The following DOK6 variants were observed in gnomAD, a reference collection of about 807,000 sequenced individuals.
DOK6 encodes the protein docking protein 6.
DOK6 carries 22 observed loss-of-function variants against 44.0 expected under a neutral mutation model. The ratio of observed to expected loss-of-function variants is 0.50; its 90% CI spans 0.36 to 0.71. The LOEUF (loss-of-function observed/expected upper bound fraction) is 0.71. DOK6 is among the 30% of genes least tolerant of loss of function. DOK6 has a pLI of 0.00. For synonymous variants in DOK6, 166 were observed against 145.5 expected (o/e 1.14, Z -1.01); for missense variants, 340 against 416.4 (o/e 0.82, Z 1.60).
chr18:69,834,915 T>C (rs1277967591), intron 7 of DOK6, among the ~76,000 whole-genome samples: 1 of 152,168 alleles, frequency 6.6e-6, no homozygotes, highest in Non-Finnish European at 1.5e-5. Context: ...TCAGGAAAGT[T>C]ACAATCATGG....
chr18:69,806,706 A>G (rs1981060598), intron 7 of DOK6, among the ~76,000 whole-genome samples: 1 of 151,998 alleles, frequency 6.6e-6, no homozygotes. Context: ...ATATTTTACA[A>G]GGAAGATTAG....
At chr18:69,662,072 C>T (rs572743233) in intron 3 of DOK6, 10 of 151,954 alleles carry the variant, frequency 6.6e-5, no homozygotes, top group African/African-American at 1.9e-4. Flanking sequence ...CTCCCCCTGC[C>T]AGGTTCAAGT....
chr18:69,742,958 G>A (rs954382290), intron 6 of DOK6, among the ~76,000 whole-genome samples: 1 of 152,122 alleles, frequency 6.6e-6, no homozygotes, highest in South Asian at 2.1e-4. Context: ...TCCATAGAAT[G>A]ATCTCTGTAT....
intron 1 of DOK6, among the ~76,000 whole-genome samples, chr18:69,429,044 T>A (rs995665040): frequency 6.6e-6 from 1 of 152,232 alleles, no homozygotes; most frequent in African/African-American, 2.4e-5. Context: ...TACTTCGATC[T>A]GGAATAAGAA....
At chr18:69,512,332 C>CTTT (rs548031851) in intron 1 of DOK6, among the ~76,000 whole-genome samples, 213 of 91,616 alleles carry the variant, frequency 2.3e-3, no homozygotes, top group Non-Finnish European at 2.8e-3. Flanking sequence ...CTTTCTTCTT[C>CTTT]TTTTTTTTTT....
At chr18:69,536,089 T>C (rs1373267067) in intron 1 of DOK6, among the ~76,000 whole-genome samples, 1 of 152,162 alleles carries the variant, frequency 6.6e-6, no homozygotes, top group East Asian at 1.9e-4. Context: ...CCAAGAACTT[T>C]AATCCAGCCA....
intron 2 of DOK6, among the ~76,000 whole-genome samples, chr18:69,575,720 C>T (rs893687100): frequency 6.6e-6 from 1 of 151,990 alleles, no homozygotes; most frequent in Non-Finnish European, 1.5e-5. Context: ...TAACTATACT[C>T]CTAAGGAAAT....
At chr18:69,748,354 T>G (rs1411441742) in intron 6 of DOK6, among the ~76,000 whole-genome samples, 1 of 151,870 alleles carries the variant, frequency 6.6e-6, no homozygotes, top group African/African-American at 2.4e-5. Flanking sequence ...ACTTAAGATA[T>G]TCACGACTTG....
chr18:69,789,609 ATTGT>A lies in DOK6; in HGVS notation c.856+31739_856+31742del, dbSNP rs1438201321. Among the ~76,000 whole-genome samples the A allele has an allele frequency of 2.6e-5, 4 of 152,268 alleles. No homozygotes were observed. The East Asian group carries it at 5.8e-4, about 22-fold the overall frequency. ...GGTGGTAAGCAACTGAGAACCTGAG[ATTGT>A]TTATGTTCCCAAAGATGACATTAAA... On this transcript the variant is annotated intron_variant, in intron 7 of 7. Transcript: ENST00000382713.
chr18:69,581,580 G>C (rs763041947), intron 2 of DOK6, among the ~76,000 whole-genome samples: 3 of 152,070 alleles, frequency 2.0e-5, no homozygotes, highest in Non-Finnish European at 4.4e-5. Flanking sequence ...TACACCTATA[G>C]GCATCATATT....
chr18:69,768,732 G>A (rs1979793880), intron 7 of DOK6, among the ~76,000 whole-genome samples: 1 of 151,578 alleles, frequency 6.6e-6, no homozygotes, highest in Non-Finnish European at 1.5e-5. Flanking sequence ...CTGCAGAGTT[G>A]ATGTTGATTT....
chr18:69,477,658 C>G (rs536544436), intron 1 of DOK6, among the ~76,000 whole-genome samples: 10 of 152,208 alleles, frequency 6.6e-5, no homozygotes, highest in African/African-American at 2.4e-4. Context: ...AAAGATGACC[C>G]AATTCTTGTT....
At chr18:69,709,296 T>C (rs1422157012) in intron 5 of DOK6, among the ~76,000 whole-genome samples, 1 of 152,186 alleles carries the variant, frequency 6.6e-6, no homozygotes, top group Non-Finnish European at 1.5e-5. Context: ...TTAAATTAAA[T>C]AGCCAAAGTC....
At chr18:69,595,311 T>C (rs1225088196) in intron 2 of DOK6, among the ~76,000 whole-genome samples, 1 of 152,224 alleles carries the variant, frequency 6.6e-6, no homozygotes, top group Non-Finnish European at 1.5e-5. Context: ...TCAACTTTAA[T>C]TTTTCTGTCA....
At chr18:69,589,422 G>A (rs913839897) in intron 2 of DOK6, among the ~76,000 whole-genome samples, 2 of 151,756 alleles carry the variant, frequency 1.3e-5, no homozygotes, top group African/African-American at 4.8e-5. Context: ...AGTAAGATTA[G>A]TATGAAAGAA....
At chr18:69,718,321 A>G (rs920578743) in intron 5 of DOK6, among the ~76,000 whole-genome samples, 10 of 152,148 alleles carry the variant, frequency 6.6e-5, no homozygotes, top group African/African-American at 2.4e-4. Flanking sequence ...TCGGATCCTA[A>G]GTCCCCAACC....
At chr18:69,586,794 C>T (rs1013562140) in intron 2 of DOK6, among the ~76,000 whole-genome samples, 4 of 152,160 alleles carry the variant, frequency 2.6e-5, no homozygotes, top group African/African-American at 9.7e-5. Flanking sequence ...TGACAGGGCT[C>T]GTTGACAAGG....
intron 5 of DOK6, among the ~76,000 whole-genome samples, chr18:69,720,338 C>A (rs771678065): frequency 2.0e-5 from 3 of 152,144 alleles, no homozygotes; most frequent in Admixed American, 6.5e-5. Context: ...CAAGTGATCA[C>A]CATCAGGGAA....
chr18:69,575,814 G>T (rs1448783308), intron 2 of DOK6, among the ~76,000 whole-genome samples: 1 of 152,066 alleles, frequency 6.6e-6, no homozygotes, highest in Admixed American at 6.6e-5. Context: ...AGGAGAAGGA[G>T]AAAGCACATT....
Sources: allele counts gnomAD v4.1 joint callset (sites outside exome capture counted in the v4.1 genomes callset), GRCh38; gene constraint gnomAD v4.1.1; transcripts MANE v1.5; gene names NCBI Gene and HGNC (gene_info 2026-07-23, HGNC 2026-07-21).